The following MTA3 variants were observed in gnomAD, a reference collection of about 807,000 sequenced individuals.
The protein encoded by MTA3 is metastasis-associated protein MTA3.
In MTA3, 34 loss-of-function variants were observed where a neutral mutation model predicts 83.5. That is an observed-to-expected ratio of 0.41 (90% CI 0.31 to 0.54). MTA3 has a LOEUF of 0.54. Among genes scored for constraint, MTA3 ranks in the 20% least tolerant of loss-of-function variants. MTA3 has a pLI of 0.33. For missense variants in MTA3, 761 were observed against 726.4 expected (o/e 1.05, Z -0.55); for synonymous variants, 303 against 252.7 (o/e 1.20, Z -1.89).
intron 16 of MTA3, among the ~76,000 whole-genome samples, chr2:42,749,510 C>T (rs979677084): frequency 2.6e-5 from 4 of 152,120 alleles, no homozygotes; most frequent in Non-Finnish European, 5.9e-5. Flanking sequence ...CTCTGTCACC[C>T]GTGCTGGAGT....
At chr2:42,621,946 TCA>T (rs1685601248) in intron 4 of MTA3, among the ~76,000 whole-genome samples, 1 of 133,996 alleles carries the variant, frequency 7.5e-6, no homozygotes, top group Non-Finnish European at 1.6e-5. Context: ...GAGGGGCTCC[TCA>T]CATCCCAGAC....
At chr2:42,687,417 C>A (rs1173823138) in intron 9 of MTA3, among the ~76,000 whole-genome samples, 1 of 152,050 alleles carries the variant, frequency 6.6e-6, no homozygotes, top group Non-Finnish European at 1.5e-5. Flanking sequence ...TAGTACTATT[C>A]CATTGTGTGA....
chr2:42,631,997 G>C (rs1686723735), intron 4 of MTA3, among the ~76,000 whole-genome samples: 1 of 150,456 alleles, frequency 6.6e-6, no homozygotes, highest in Admixed American at 6.6e-5. Flanking sequence ...GCCTCTTTTA[G>C]TTATTTAAAA....
At chr2:42,536,881 A>G (rs1676269717) in intron 2 of MTA3, among the ~76,000 whole-genome samples, 1 of 137,260 alleles carries the variant, frequency 7.3e-6, no homozygotes, top group Non-Finnish European at 1.6e-5. Flanking sequence ...AAAAAAAGGG[A>G]GTATATAGTG....
At chr2:42,512,823 G>T (rs189595113) in intron 2 of MTA3, among the ~76,000 whole-genome samples, 1 of 152,052 alleles carries the variant, frequency 6.6e-6, no homozygotes, top group African/African-American at 2.4e-5. Flanking sequence ...CCATTGACTC[G>T]GCATTAGTTA....
chr2:42,629,246 CT>C (rs1186475040), intron 4 of MTA3, among the ~76,000 whole-genome samples: 2 of 151,872 alleles, frequency 1.3e-5, no homozygotes, highest in Non-Finnish European at 2.9e-5. Context: ...TGCCCGGGTA[CT>C]TTTTTGTATC....
At position 42,568,734 on chromosome 2, in the gene MTA3, G is replaced by T; in HGVS notation, c.-12G>T. The T allele has an allele frequency of 1.6e-6, 2 of 1,215,908 alleles. No homozygotes were observed. Among genetic ancestry groups the T allele is most frequent in the Non-Finnish European group, 2.0e-6 (2 of 978,636 alleles). 75.3% of individuals were successfully genotyped at this position (1,215,908 alleles called of 1,614,324 possible). A position where few individuals can be genotyped will look rare whatever the true frequency, so the allele number is the denominator to read the frequency against. On this transcript the variant is annotated 5_prime_UTR_variant, in exon 1 of 17. Coordinates refer to ENST00000405094, the MANE Select transcript of MTA3 (RefSeq NM_001330442.2). ...GGGGCTCGGCTCGGGCTCCGCGGGC[G>T]GGCGGGCGGACATGGCGGCCAACAT...
At chr2:42,744,146 T>G (rs1402115527) in intron 16 of MTA3, among the ~76,000 whole-genome samples, 2 of 152,152 alleles carry the variant, frequency 1.3e-5, no homozygotes, top group African/African-American at 4.8e-5. Flanking sequence ...GTACCTTATG[T>G]ATTGAGAGGG....
chr2:42,496,938 G>A (rs1014270114), intron 2 of MTA3, among the ~76,000 whole-genome samples: 1 of 152,212 alleles, frequency 6.6e-6, no homozygotes, highest in Admixed American at 6.5e-5. Context: ...GGGTGTGGTG[G>A]CTCACGCCTG....
chr2:42,500,779 TG>T, intron 2 of MTA3, among the ~76,000 whole-genome samples: 1 of 151,440 alleles, frequency 6.6e-6, no homozygotes, highest in Non-Finnish European at 1.5e-5. Context: ...ATCAAAGGGT[TG>T]TTAGTATCAA....
At chr2:42,497,129 C>T (rs376162796) in intron 2 of MTA3, among the ~76,000 whole-genome samples, 1 of 151,668 alleles carries the variant, frequency 6.6e-6, no homozygotes. Flanking sequence ...TCGCTTGAAC[C>T]TGGGAGGCAG....
chr2:42,606,766 C>G (rs1455764503), intron 3 of MTA3, among the ~76,000 whole-genome samples: 1 of 151,534 alleles, frequency 6.6e-6, no homozygotes, highest in Non-Finnish European at 1.5e-5. Flanking sequence ...CGAGATCACG[C>G]CACTGCACCC....
At chr2:42,707,799 G>A in intron 12 of MTA3, 104 bp from the exon 13 acceptor site, 2 of 1,245,378 alleles carry the variant, frequency 1.6e-6, no homozygotes. Flanking sequence ...CAATAACATT[G>A]TAAACTAAGC....
intron 2 of MTA3, among the ~76,000 whole-genome samples, chr2:42,495,697 T>C (rs1461757636): frequency 6.6e-6 from 1 of 152,142 alleles, no homozygotes; most frequent in Non-Finnish European, 1.5e-5. Context: ...AGCATTTAAA[T>C]TGGATCCCAT....
At chr2:42,623,057 G>T (rs1029137645) in intron 4 of MTA3, among the ~76,000 whole-genome samples, 2 of 152,214 alleles carry the variant, frequency 1.3e-5, no homozygotes, top group African/African-American at 4.8e-5. Context: ...GGAAAAGGTA[G>T]TTGTTTTAGT....
At chr2:42,695,179 A>G (rs1693268275) in intron 9 of MTA3, among the ~76,000 whole-genome samples, 1 of 152,136 alleles carries the variant, frequency 6.6e-6, no homozygotes. Context: ...AATTTTTAGT[A>G]AAATGTATAA....
At chr2:42,503,878 A>G (rs575003032) in intron 2 of MTA3, among the ~76,000 whole-genome samples, 5 of 151,738 alleles carry the variant, frequency 3.3e-5, no homozygotes, top group Admixed American at 6.6e-5. Context: ...ACAAATAAAT[A>G]AACAAACTGC....
chr2:42,588,984 G>A (rs1344007477), intron 3 of MTA3, among the ~76,000 whole-genome samples: 1 of 152,092 alleles, frequency 6.6e-6, no homozygotes, highest in Non-Finnish European at 1.5e-5. Flanking sequence ...TTTGCACTTA[G>A]GGCCTTTTAC....
rs1447762464 is a variant in MTA3, at chr2:42,553,692, G to A, written c.-140-16745G>A. ...AGAGGTTGCAGTGAGCCGAGATCAC[G>A]CCATTGCCCTCCAGCCTGGGCAACA... On this transcript the variant is annotated intron_variant, in intron 2 of 17. Coordinates refer to the MTA3 transcript ENST00000405592. Among the ~76,000 whole-genome samples, 4 of 150,950 alleles carry A rather than the reference G, an allele frequency of 2.6e-5. No individual in the cohort carries two copies. The East Asian group carries it at 7.8e-4, about 30-fold the overall frequency.
Sources: allele counts gnomAD v4.1 joint callset (sites outside exome capture counted in the v4.1 genomes callset), GRCh38; gene constraint gnomAD v4.1.1; transcripts MANE v1.5; gene names NCBI Gene and HGNC (gene_info 2026-07-23, HGNC 2026-07-21).